Variants in MAST4 observed in about 807,000 individuals in gnomAD.
MAST4 encodes microtubule associated serine/threonine kinase family member 4, also known as microtubule-associated serine/threonine-protein kinase 4.
MAST4 carries 89 observed loss-of-function variants against 162.7 expected under a neutral mutation model. The observed-to-expected ratio is 0.55, with a 90% CI of 0.46 to 0.65. MAST4 has a LOEUF of 0.65. MAST4 is among the 30% of genes least tolerant of loss of function. MAST4 has a pLI of 0.00. For missense variants in MAST4, 3,153 were observed against 3,374.0 expected (o/e 0.93, Z 1.62); for synonymous variants, 1,479 against 1,361.1 (o/e 1.09, Z -1.91).
intron 1 of MAST4, among the ~76,000 whole-genome samples, chr5:66,690,620 C>G (rs770084642): frequency 6.6e-6 from 1 of 152,130 alleles, no homozygotes; most frequent in Non-Finnish European, 1.5e-5. Flanking sequence ...GCAATTTTAG[C>G]CTTTCTTCAG....
intron 1 of MAST4, among the ~76,000 whole-genome samples, chr5:66,599,785 T>C (rs991160964): frequency 3.3e-5 from 5 of 152,210 alleles, no homozygotes; most frequent in African/African-American, 1.2e-4. Context: ...GACAAGGCGA[T>C]GTGAGTGTAA....
intron 1 of MAST4, among the ~76,000 whole-genome samples, chr5:66,617,624 G>A (rs570924044): frequency 6.6e-6 from 1 of 152,262 alleles, no homozygotes; most frequent in South Asian, 2.1e-4. Flanking sequence ...AAATGAAACA[G>A]TAGTGGTTTT....
At chr5:66,945,414 A>C (rs1371121750) in intron 4 of MAST4, among the ~76,000 whole-genome samples, 1 of 152,146 alleles carries the variant, frequency 6.6e-6, no homozygotes, top group Admixed American at 6.6e-5. Context: ...ATAAGTCCTC[A>C]GTTGGCTCCA....
chr5:66,919,965 CTTCCTTCCTTCT>C (rs1580877767), intron 4 of MAST4, among the ~76,000 whole-genome samples: 1 of 41,084 alleles, frequency 2.4e-5, no homozygotes, highest in East Asian at 5.8e-4. Flanking sequence ...TCCTTCCTTC[CTTCCTTCCTTCT>C]TTCTCTCTCT....
At chr5:66,649,547 T>C (rs573217264) in intron 1 of MAST4, among the ~76,000 whole-genome samples, 7 of 152,292 alleles carry the variant, frequency 4.6e-5, no homozygotes, top group Admixed American at 1.3e-4. Context: ...TAGCTCTTCA[T>C]GTTTTAGCCT....
At chr5:66,801,705 G>A (rs1415470252) in intron 3 of MAST4, among the ~76,000 whole-genome samples, 2 of 152,146 alleles carry the variant, frequency 1.3e-5, no homozygotes, top group Non-Finnish European at 2.9e-5. Context: ...GGAAAAAATA[G>A]CAGATCTTTG....
intron 4 of MAST4, among the ~76,000 whole-genome samples, chr5:66,986,763 C>T (rs1749556922): frequency 6.6e-6 from 1 of 151,778 alleles, no homozygotes; most frequent in African/African-American, 2.4e-5. Flanking sequence ...TACAGGTGCA[C>T]ATCACCATGC....
chr5:66,913,483 T>TG lies in MAST4; in HGVS notation c.674+13501_674+13502insG, dbSNP rs577250874. Among the ~76,000 whole-genome samples, 455 of 152,366 alleles carry TG rather than the reference T, an allele frequency of 3.0e-3. 1 individual carries two copies. Among genetic ancestry groups the TG allele is most frequent in the African/African-American group, 0.01 (418 of 41,588 alleles). On this transcript the variant is annotated intron_variant, in intron 4 of 28. Coordinates refer to ENST00000403625, the MANE Select transcript of MAST4 (RefSeq NM_001164664.2). ...TTATTAGAGTTGTTTTGCTAAGTAATATCCTATTGAATGACTGTGTCAGTT... is the reference window on the plus strand; with the variant it reads ...TTATTAGAGTTGTTTTGCTAAGTAATGATCCTATTGAATGACTGTGTCAGTT...
intron 8 of MAST4, 125 bp from the exon 9 acceptor site, chr5:67,102,411 A>G (rs919196908): frequency 3.6e-6 from 3 of 834,442 alleles, no homozygotes; most frequent in African/African-American, 1.7e-5. Context: ...GTAGTTTATT[A>G]TCTGATATAC....
At chr5:67,061,820 C>CAA (rs113115367) in intron 5 of MAST4, among the ~76,000 whole-genome samples, 49 of 94,342 alleles carry the variant, frequency 5.2e-4, no homozygotes, top group African/African-American at 1.1e-3. Flanking sequence ...AGTTCTTGGG[C>CAA]AAAAAAAAAA....
intron 3 of MAST4, among the ~76,000 whole-genome samples, chr5:66,816,893 G>GT (rs1474997983): frequency 6.6e-6 from 1 of 152,110 alleles, no homozygotes; most frequent in East Asian, 1.9e-4. Context: ...TGTGGCCTTA[G>GT]TTTTTTTGAA....
At chr5:67,059,622 T>G (rs566763110) in intron 5 of MAST4, among the ~76,000 whole-genome samples, 20 of 152,320 alleles carry the variant, frequency 1.3e-4, no homozygotes, top group African/African-American at 4.6e-4. Flanking sequence ...GTAGCCCTGT[T>G]GGCCAAAATA....
chr5:67,044,369 C>T (rs1173740275), intron 4 of MAST4, among the ~76,000 whole-genome samples: 1 of 152,132 alleles, frequency 6.6e-6, no homozygotes, highest in Admixed American at 6.5e-5. Context: ...CTAGGTCTCT[C>T]CTATGACTCA....
intron 4 of MAST4, among the ~76,000 whole-genome samples, chr5:66,923,327 G>A (rs1370874545): frequency 6.6e-6 from 1 of 152,210 alleles, no homozygotes; most frequent in East Asian, 1.9e-4. Context: ...CTGGCAGAAA[G>A]CATTGTCGTC....
chr5:66,762,125 T>A (rs1015903798), intron 2 of MAST4, among the ~76,000 whole-genome samples: 2 of 152,218 alleles, frequency 1.3e-5, no homozygotes. Context: ...ATAGCCGGAC[T>A]TGATTCTCTT....
intron 3 of MAST4, among the ~76,000 whole-genome samples, chr5:66,890,789 A>G (rs1398856462): frequency 6.6e-6 from 1 of 152,192 alleles, no homozygotes; most frequent in Non-Finnish European, 1.5e-5. Context: ...GGATTCAAAG[A>G]CAAGCTAAGC....
At chr5:66,726,614 C>G (rs1751536353) in intron 1 of MAST4, among the ~76,000 whole-genome samples, 1 of 152,000 alleles carries the variant, frequency 6.6e-6, no homozygotes, top group African/African-American at 2.4e-5. Flanking sequence ...GTCTGCATTT[C>G]AAATAGATCA....
chr5:66,770,250 T>C (rs1049041928), intron 2 of MAST4, among the ~76,000 whole-genome samples: 9 of 152,258 alleles, frequency 5.9e-5, no homozygotes, highest in Admixed American at 2.6e-4. Context: ...TTTTGTTTGC[T>C]ATCTAGGTGT....
intron 2 of MAST4, among the ~76,000 whole-genome samples, chr5:66,780,438 A>G (rs963290085): frequency 6.6e-6 from 1 of 152,114 alleles, no homozygotes; most frequent in African/African-American, 2.4e-5. Flanking sequence ...TTATTCCTTC[A>G]GATATGTCCA....
Sources: allele counts gnomAD v4.1 joint callset (sites outside exome capture counted in the v4.1 genomes callset), GRCh38; gene constraint gnomAD v4.1.1; transcripts MANE v1.5; gene names NCBI Gene and HGNC (gene_info 2026-07-23, HGNC 2026-07-21).